RTKN2: variants seen among roughly 807,000 people sequenced by gnomAD.
RTKN2 encodes rhotekin-2.
RTKN2 carries 69 observed loss-of-function variants against 71.5 expected under a neutral mutation model. The ratio of observed to expected loss-of-function variants is 0.96; its 90% CI spans 0.79 to 1.18. The LOEUF (loss-of-function observed/expected upper bound fraction) is 1.18, where lower values mean the gene tolerates loss of function less well. RTKN2 is among the 50% of genes most tolerant of loss of function. RTKN2 has a pLI of 0.00. For missense variants in RTKN2, 724 were observed against 719.7 expected, an observed-to-expected ratio of 1.01 and a Z score of -0.07; for synonymous variants, 236 against 236.5, an observed-to-expected ratio of 1.00 and a Z score of 0.02.
At chr10:62,245,687 A>ATTTT in intron 3 of RTKN2, among the ~76,000 whole-genome samples, 1 of 152,168 alleles carries the variant, frequency 6.6e-6, no homozygotes, top group South Asian at 2.1e-4. Context: ...CAGAGTCAAA[A>ATTTT]GACTTGGGTT....
intron 9 of RTKN2, among the ~76,000 whole-genome samples, chr10:62,207,682 C>T (rs971998462): frequency 2.6e-5 from 4 of 152,012 alleles, no homozygotes; most frequent in Admixed American, 2.6e-4. Context: ...TCCCTGCCTC[C>T]CCCCCATATT....
At chr10:62,251,773 C>T (rs1842585914) in intron 2 of RTKN2, among the ~76,000 whole-genome samples, 1 of 151,772 alleles carries the variant, frequency 6.6e-6, no homozygotes, top group Non-Finnish European at 1.5e-5. Flanking sequence ...AAACAATAGG[C>T]AGATATGCAA....
chr10:62,193,451 T>G lies in RTKN2; in HGVS notation c.*4457A>C. 2.7e-5 allele frequency: 27 copies of G among 982,620 alleles called. No homozygotes were observed. Among genetic ancestry groups the G allele is most frequent in the Non-Finnish European group, 3.3e-5 (27 of 827,370 alleles). The allele number at this position is 982,620 out of a possible 1,614,324, so 60.9% of individuals were successfully genotyped here. On this transcript the variant is annotated 3_prime_UTR_variant, in exon 12 of 12. Transcript: ENST00000373789. Reference sequence around the variant, plus strand: ...AATGTTTGTTAAAATTTCTGTAACTTTTTTTGTTGTTAATTGAATGTAAAG... The same window carrying G: ...AATGTTTGTTAAAATTTCTGTAACTGTTTTTGTTGTTAATTGAATGTAAAG...
At chr10:62,244,276 G>A (rs1221778104) in intron 3 of RTKN2, among the ~76,000 whole-genome samples, 2 of 151,996 alleles carry the variant, frequency 1.3e-5, no homozygotes, top group African/African-American at 2.4e-5. Flanking sequence ...AAGACATTAC[G>A]TAAGTATCCG....
chr10:62,198,859 G>A (rs1378341249), intron 11 of RTKN2, among the ~76,000 whole-genome samples: 1 of 152,104 alleles, frequency 6.6e-6, no homozygotes, highest in Non-Finnish European at 1.5e-5. Flanking sequence ...CTAGGTAAGA[G>A]ATTTCCTTTT....
intron 2 of RTKN2, among the ~76,000 whole-genome samples, chr10:62,262,098 A>G (rs552823198): frequency 2.6e-5 from 4 of 152,340 alleles, no homozygotes; most frequent in East Asian, 1.9e-4. Context: ...CTTAAATCTC[A>G]TTAGCTTCCA....
chr10:62,249,548 A>G (rs1449167107), intron 2 of RTKN2, among the ~76,000 whole-genome samples: 1 of 152,098 alleles, frequency 6.6e-6, no homozygotes, highest in African/African-American at 2.4e-5. Flanking sequence ...AAAGAACTCA[A>G]TGAATGTTTA....
Position 62,198,218 on chromosome 10 carries a change from G to T in RTKN2, c.1520C>A (p.Pro507His), listed in dbSNP as rs1440122989. ...EKGKKRQAPL[P>H]PSDKLPFSLK... The stretch of plus-strand genomic sequence containing the variant: ...GCTGAATGGAAGTTTATCAGAAGGA[G>T]GAAGGGGAGCTTGTCTCTTTTTCCC... The change falls in exon 12 of 12, where the codon CCT (proline) becomes CAT (histidine). Residue 507 changes from proline (P) to histidine (H), a missense_variant. Pro to His is a moderately conservative substitution (Grantham distance 77, BLOSUM62 -2). Coordinates refer to ENST00000373789, the MANE Select transcript of RTKN2 (RefSeq NM_145307.4). 5.6e-6 allele frequency: 9 copies of T among 1,614,040 alleles called. No homozygotes were observed. Among genetic ancestry groups the T allele is most frequent in the Non-Finnish European group, 7.6e-6 (9 of 1,179,954 alleles).
At position 62,196,592 on chromosome 10, in the gene RTKN2, A is replaced by C. The variant is rs1044969558; in HGVS notation, c.*1316T>G. 2 of 985,146 alleles carry C rather than the reference A, an allele frequency of 2.0e-6. No individual in the cohort carries two copies. The highest frequency in any genetic ancestry group is 1.7e-5 in the African/African-American group (1 of 57,240). The allele number at this position is 985,146 out of a possible 1,614,324, so 61.0% of individuals were successfully genotyped here. A position where few individuals can be genotyped will look rare whatever the true frequency, so the allele number is the denominator to read the frequency against. On this transcript the variant is annotated 3_prime_UTR_variant, in exon 12 of 12. Coordinates refer to ENST00000373789, the MANE Select transcript of RTKN2 (RefSeq NM_145307.4). ...TTTGTAATAATGTAGTTCTGATCCAAATAGAGTTCTTGCTAGCTTTAAAAA... is the reference window on the plus strand; with the variant it reads ...TTTGTAATAATGTAGTTCTGATCCACATAGAGTTCTTGCTAGCTTTAAAAA...
intron 2 of RTKN2, among the ~76,000 whole-genome samples, chr10:62,260,259 G>T (rs1299751100): frequency 6.6e-6 from 1 of 152,126 alleles, no homozygotes; most frequent in East Asian, 1.9e-4. Context: ...CTAGCACAGG[G>T]CTTAATAAGT....
At chr10:62,259,449 C>T (rs540127752) in intron 2 of RTKN2, among the ~76,000 whole-genome samples, 1 of 152,224 alleles carries the variant, frequency 6.6e-6, no homozygotes, top group East Asian at 1.9e-4. Context: ...TTGAATCTTG[C>T]TTCCTCCTTC....
chr10:62,227,911 A>G lies in RTKN2; in HGVS notation c.687-4579T>C, dbSNP rs368957632. 1.5e-3 allele frequency among the ~76,000 whole-genome samples: 232 copies of G among 152,312 alleles called. 5 individuals carry two copies. In the South Asian group the frequency reaches 0.047, roughly 31 times the overall value. ...CAGGGAGAGAATTAAAGACATCTCCAAGGCTTCTGGTCCAAGCAACTAGAA... is the reference window on the plus strand; with the variant it reads ...CAGGGAGAGAATTAAAGACATCTCCGAGGCTTCTGGTCCAAGCAACTAGAA... On this transcript the variant is annotated intron_variant, in intron 6 of 11. Transcript: ENST00000373789.
chr10:62,184,357 T>G, exon 9 of RTKN2: 1 of 1,545,342 alleles, frequency 6.5e-7, no homozygotes, highest in Non-Finnish European at 8.7e-7. Context: ...GCTGGCAGTT[T>G]CTGGAGATTA....
At chr10:62,190,278 G>A (rs1841200118), downstream of RTKN2, among the ~76,000 whole-genome samples, 1 of 152,148 alleles carries the variant, frequency 6.6e-6, no homozygotes, top group South Asian at 2.1e-4. Context: ...GTTTATCAGA[G>A]GCTGTTGGTA....
intron 8 of RTKN2, among the ~76,000 whole-genome samples, chr10:62,187,277 CAAAA>C (rs35517716): frequency 8.3e-6 from 1 of 120,284 alleles, no homozygotes; most frequent in Admixed American, 8.6e-5. Context: ...TCACAAATCA[CAAAA>C]AAAAAAAAAA....
intron 6 of RTKN2, among the ~76,000 whole-genome samples, chr10:62,231,112 T>G (rs553399108): frequency 1.3e-5 from 2 of 152,332 alleles, no homozygotes; most frequent in African/African-American, 4.8e-5. Flanking sequence ...TTTATAACTT[T>G]AATCATATTT....
At chr10:62,209,138 C>T (rs1237296592) in intron 9 of RTKN2, among the ~76,000 whole-genome samples, 2 of 152,018 alleles carry the variant, frequency 1.3e-5, no homozygotes, top group Non-Finnish European at 2.9e-5. Flanking sequence ...CGTGGTGGCG[C>T]ATGCCTGTAA....
At chr10:62,266,181 T>C (rs1450808586) in intron 1 of RTKN2, among the ~76,000 whole-genome samples, 2 of 152,130 alleles carry the variant, frequency 1.3e-5, no homozygotes, top group African/African-American at 4.8e-5. Flanking sequence ...AGGCTATGAA[T>C]GAAATAGGAG....
chr10:62,221,489 T>C (rs1197913837), intron 7 of RTKN2, among the ~76,000 whole-genome samples: 1 of 151,988 alleles, frequency 6.6e-6, no homozygotes, highest in Non-Finnish European at 1.5e-5. Flanking sequence ...GATTGTCAAA[T>C]TAGAGAAAAA....
Sources: gnomAD v4.1 joint callset for allele counts (sites outside exome capture counted in the v4.1 genomes callset) on GRCh38, gnomAD v4.1.1 for gene constraint, MANE v1.5 for transcripts, NCBI Gene and HGNC (gene_info 2026-07-23, HGNC 2026-07-21) for gene names.